The following MAF variants were observed in gnomAD, a reference collection of about 807,000 sequenced individuals.
The protein encoded by MAF is MAF bZIP transcription factor.
Under a neutral mutation model 22.0 loss-of-function variants are expected in MAF, and 10 were observed. The observed-to-expected ratio is 0.45, with a 90% CI of 0.28 to 0.77. The LOEUF (loss-of-function observed/expected upper bound fraction) is 0.77. MAF is among the 30% of genes least tolerant of loss of function. MAF has a pLI of 0.12. For synonymous variants in MAF, 337 were observed against 255.8 expected, an observed-to-expected ratio of 1.32 and a Z score of -3.03; for missense variants, 544 against 548.4, an observed-to-expected ratio of 0.99 and a Z score of 0.08.
the MAF span, among the ~76,000 whole-genome samples, chr16:79,233,908 C>G: frequency 2.6e-5 from 4 of 150,964 alleles, no homozygotes; most frequent in African/African-American, 9.8e-5. Flanking sequence ...AGAAGAATCC[C>G]TTGAATATGG....
At chr16:79,210,948 A>G in the MAF span, among the ~76,000 whole-genome samples, 10 of 152,150 alleles carry the variant, frequency 6.6e-5, no homozygotes, top group Admixed American at 5.9e-4. Flanking sequence ...ATCTGGGTCA[A>G]ATATGACATT....
At chr16:79,355,724 A>G in the MAF span, among the ~76,000 whole-genome samples, 1 of 152,184 alleles carries the variant, frequency 6.6e-6, no homozygotes, top group Non-Finnish European at 1.5e-5. Flanking sequence ...CCCTGTGGCA[A>G]TCCGTGTTGA....
chr16:79,232,436 C>A, the MAF span, among the ~76,000 whole-genome samples: 1 of 151,874 alleles, frequency 6.6e-6, no homozygotes, highest in Non-Finnish European at 1.5e-5. Context: ...TTTGGAGGTA[C>A]GGTAGTTGAC....
the MAF span, among the ~76,000 whole-genome samples, chr16:79,503,281 A>G: frequency 1.3e-5 from 2 of 152,220 alleles, no homozygotes; most frequent in African/African-American, 2.4e-5. Flanking sequence ...ACTGCTCCAG[A>G]AACGATGCTA....
chr16:79,358,031 T>C, the MAF span, among the ~76,000 whole-genome samples: 3 of 152,156 alleles, frequency 2.0e-5, no homozygotes, highest in South Asian at 2.1e-4. Flanking sequence ...CAGCACCACT[T>C]TGCCACCAAG....
chr16:79,301,737 T>C, the MAF span, among the ~76,000 whole-genome samples: 1 of 152,214 alleles, frequency 6.6e-6, no homozygotes, highest in South Asian at 2.1e-4. Flanking sequence ...TGCATATACA[T>C]TTACACACAC....
At chr16:79,551,160 G>C in the MAF span, among the ~76,000 whole-genome samples, 2 of 152,050 alleles carry the variant, frequency 1.3e-5, no homozygotes, top group African/African-American at 4.8e-5. Context: ...TTCAAAGAGG[G>C]GTCACCCAAG....
At chr16:79,505,984 G>A in the MAF span, among the ~76,000 whole-genome samples, 15 of 152,002 alleles carry the variant, frequency 9.9e-5, no homozygotes, top group Non-Finnish European at 2.1e-4. Flanking sequence ...AGGAGCAAAA[G>A]AAGGGAAGGG....
At chr16:79,389,360 C>G in the MAF span, among the ~76,000 whole-genome samples, 1 of 152,134 alleles carries the variant, frequency 6.6e-6, no homozygotes, top group Non-Finnish European at 1.5e-5. Context: ...CTCCTGGGTT[C>G]AAGTGATTCT....
chr16:79,276,310 G>T, the MAF span, among the ~76,000 whole-genome samples: 1 of 152,136 alleles, frequency 6.6e-6, no homozygotes, highest in African/African-American at 2.4e-5. Flanking sequence ...AATGTTTGCA[G>T]CAGGCCTTCT....
At chr16:79,392,749 A>T in the MAF span, among the ~76,000 whole-genome samples, 1 of 152,124 alleles carries the variant, frequency 6.6e-6, no homozygotes, top group Admixed American at 6.5e-5. Context: ...GCCCAGTAGG[A>T]CCAAACCCAA....
the MAF span, among the ~76,000 whole-genome samples, chr16:79,422,070 G>A: frequency 3.8e-4 from 58 of 152,252 alleles, 1 homozygote; most frequent in Middle Eastern, 3.4e-3. Flanking sequence ...GAGCCACCAC[G>A]CCCAGCCTTG....
chr16:79,309,648 G>A, the MAF span, among the ~76,000 whole-genome samples: 1 of 152,130 alleles, frequency 6.6e-6, no homozygotes, highest in Non-Finnish European at 1.5e-5. Context: ...AACAATCTCT[G>A]AGTCCCCATC....
chr16:79,244,942 A>C, the MAF span, among the ~76,000 whole-genome samples: 1 of 152,080 alleles, frequency 6.6e-6, no homozygotes, highest in Non-Finnish European at 1.5e-5. Flanking sequence ...TCTTTTACAA[A>C]CCTGGCAAAA....
chr16:79,510,918 AG>A, the MAF span, among the ~76,000 whole-genome samples: 4 of 152,184 alleles, frequency 2.6e-5, no homozygotes, highest in Non-Finnish European at 5.9e-5. Flanking sequence ...TTGAATTTTA[AG>A]TTGCTATATG....
At position 79,598,899 on chromosome 16, in the gene MAF, G is replaced by C; in HGVS notation, c.1004C>G (p.Ser335Cys). 6.2e-7 allele frequency: 1 copy of C among 1,613,748 alleles called. No individual in the cohort carries two copies. Among genetic ancestry groups the C allele is most frequent in the Non-Finnish European group, 8.5e-7 (1 of 1,179,984 alleles). The change falls in exon 1 of 2, where the codon TCC becomes TGC. Residue 335 changes from serine to cysteine, a missense_variant. Ser to Cys is a moderately radical substitution (Grantham distance 112). Around this residue, in one of 5 missense-constraint regions of MAF, gnomAD observed 129 missense variants for 113.6 expected, o/e 1.14. Coordinates refer to ENST00000326043, the MANE Select transcript of MAF (RefSeq NM_005360.5). ...CGCGTCCCTCTCGCGCACCAGCCTG[G>C]AGATCTCCTGCTTGAGGTGGTCGAC... The part of the protein sequence containing the change: ...QQVDHLKQEI[S>C]RLVRERDAYK...
chr16:79,516,725 C>T, the MAF span, among the ~76,000 whole-genome samples: 7 of 152,208 alleles, frequency 4.6e-5, no homozygotes, highest in Non-Finnish European at 1.0e-4. Context: ...GCCCTGGGCT[C>T]ATTTTCCAAG....
chr16:79,382,969 A>ATT, the MAF span, among the ~76,000 whole-genome samples: 10 of 152,306 alleles, frequency 6.6e-5, no homozygotes, highest in East Asian at 3.9e-4. Context: ...TCATTCATTC[A>ATT]CTCATTCATC....
At chr16:79,229,298 T>TC in the MAF span, 1 of 148,320 alleles carries the variant, frequency 6.7e-6, no homozygotes, top group Admixed American at 6.7e-5. Context: ...GACAGCAGGG[T>TC]CAGTGACTCA....
Sources: allele counts gnomAD v4.1 joint callset (sites outside exome capture counted in the v4.1 genomes callset), GRCh38; gene constraint gnomAD v4.1.1; regional missense constraint gnomAD v4.1.1; transcripts MANE v1.5; gene names NCBI Gene and HGNC (gene_info 2026-07-23, HGNC 2026-07-21).